Variants in SNAP91 observed in about 807,000 individuals in gnomAD.
SNAP91 encodes synaptosome associated protein 91.
In SNAP91, 27 loss-of-function variants were observed where a neutral mutation model predicts 100.3. The ratio of observed to expected loss-of-function variants is 0.27; its 90% confidence interval spans 0.20 to 0.37. The LOEUF is 0.37. SNAP91 is among the 10% of genes least tolerant of loss of function. The pLI is 1.00. For missense variants in SNAP91, 986 were observed against 1,123.7 expected (o/e 0.88, Z 1.75); for synonymous variants, 404 against 398.6 (o/e 1.01, Z -0.16).
intron 7 of SNAP91, among the ~76,000 whole-genome samples, chr6:83,653,439 G>A (rs2098282008): frequency 6.6e-6 from 1 of 152,062 alleles, no homozygotes. Flanking sequence ...ATCCCAAAGT[G>A]GTTTTGCCCT....
At chr6:83,691,237 A>T (rs2099126711) in intron 2 of SNAP91, among the ~76,000 whole-genome samples, 1 of 152,166 alleles carries the variant, frequency 6.6e-6, no homozygotes, top group African/African-American at 2.4e-5. Context: ...ACAATTACAT[A>T]GCTTACTGTT....
chr6:83,617,155 A>G (rs1225790327), intron 9 of SNAP91, 116 bp from the exon 10 acceptor site: 1 of 546,262 alleles, frequency 1.8e-6, no homozygotes. Context: ...TATATATGTG[A>G]GATAATTTAA....
At chr6:83,697,488 A>G (rs1270058699) in intron 2 of SNAP91, among the ~76,000 whole-genome samples, 1 of 152,134 alleles carries the variant, frequency 6.6e-6, no homozygotes, top group Admixed American at 6.5e-5. Flanking sequence ...TATGGATATA[A>G]TTGTTAAAAT....
intron 23 of SNAP91, among the ~76,000 whole-genome samples, chr6:83,580,969 T>A (rs552720012): frequency 9.8e-5 from 15 of 152,366 alleles, no homozygotes; most frequent in African/African-American, 3.6e-4. Context: ...TACATGGCTT[T>A]GTTGTAAACA....
chr6:83,588,263 C>T (rs2093126936), intron 22 of SNAP91, among the ~76,000 whole-genome samples: 1 of 152,126 alleles, frequency 6.6e-6, no homozygotes, highest in African/African-American at 2.4e-5. Context: ...TACTGATTTA[C>T]ATTGAATATT....
chr6:83,575,053 G>A lies in SNAP91; in HGVS notation c.2399C>T (p.Ala800Val). Residue 800 changes from alanine (A) to valine (V), a missense_variant, in exon 26 of 30, where the codon GCT becomes GTT. Physicochemically the swap from Ala to Val is moderately conservative, Grantham distance 64. Transcript: ENST00000369694. Reference sequence around the variant, plus strand: ...AACGCCTGCTGACCAGGTTGCTGGAGCTACTTTAGGCTGCCAGTTGGCTCC... The same window carrying A: ...AACGCCTGCTGACCAGGTTGCTGGAACTACTTTAGGCTGCCAGTTGGCTCC... ...TGGANWQPKV[A>V]PATWSAGVPP... The A allele has an allele frequency of 6.2e-7, 1 of 1,604,130 alleles. No homozygotes were observed. The highest frequency in any genetic ancestry group is 8.5e-7 in the Non-Finnish European group (1 of 1,175,094).
intron 7 of SNAP91, among the ~76,000 whole-genome samples, chr6:83,652,371 T>C (rs1037613889): frequency 6.6e-6 from 1 of 152,130 alleles, no homozygotes; most frequent in African/African-American, 2.4e-5. Flanking sequence ...CAATTACACT[T>C]CTTTTTTACT....
At chr6:83,635,063 G>C (rs1245503698) in intron 8 of SNAP91, among the ~76,000 whole-genome samples, 1 of 152,160 alleles carries the variant, frequency 6.6e-6, no homozygotes, top group Non-Finnish European at 1.5e-5. Flanking sequence ...CTGAGCATGT[G>C]GTGGATCTTA....
chr6:83,673,605 T>C (rs544765963), intron 2 of SNAP91, among the ~76,000 whole-genome samples: 6 of 152,294 alleles, frequency 3.9e-5, no homozygotes, highest in African/African-American at 1.4e-4. Flanking sequence ...CAAACATTTG[T>C]AAACAGAAAT....
At position 83,662,731 on chromosome 6, in the gene SNAP91, C is replaced by T. The variant is rs140698955; in HGVS notation, c.274-309G>A. The stretch of plus-strand genomic sequence containing the variant: ...TTCCAAAATAAATATCTTACGAATG[C>T]AATTTTCACTCAAAGATTCAAAGAA... On this transcript the variant is annotated intron_variant, in intron 3 of 29. Transcript: ENST00000369694. Among the ~76,000 whole-genome samples the T allele has an allele frequency of 6.5e-3, 987 of 152,132 alleles. 10 individuals carry two copies. Among genetic ancestry groups the T allele is most frequent in the African/African-American group, 0.022 (929 of 41,518 alleles).
intron 7 of SNAP91, 128 bp from the exon 8 acceptor site, chr6:83,641,330 T>C: frequency 4.0e-6 from 2 of 502,832 alleles, no homozygotes; most frequent in Non-Finnish European, 3.5e-6. Context: ...GTAAAACTTA[T>C]ATGAGGTATT....
chr6:83,645,291 T>A (rs952562981), intron 7 of SNAP91, among the ~76,000 whole-genome samples: 37 of 151,970 alleles, frequency 2.4e-4, no homozygotes, highest in African/African-American at 8.5e-4. Context: ...TAGTTTTAGG[T>A]TCACAACAAA....
At chr6:83,598,286 T>C (rs2094731518) in intron 16 of SNAP91, among the ~76,000 whole-genome samples, 1 of 152,234 alleles carries the variant, frequency 6.6e-6, no homozygotes, top group Non-Finnish European at 1.5e-5. Context: ...GAAGATCTCA[T>C]TTCTTAAAAG....
rs964145588 is a variant in SNAP91, at chr6:83,601,695, T to TA, written c.1142-97dup. 108 of 1,132,736 alleles carry TA rather than the reference T, an allele frequency of 9.5e-5. No individual in the cohort carries two copies. The Middle Eastern group carries it at 3.4e-3, about 36-fold the overall frequency. The allele number at this position is 1,132,736 out of a possible 1,614,324, so 70.2% of individuals were successfully genotyped here. ...TGTCCAAGCCAGATAAGGCACTAACTAAAAAAACCTTAGCTTTATGTGTCT... is the reference window on the plus strand; with the variant it reads ...TGTCCAAGCCAGATAAGGCACTAACTAAAAAAAACCTTAGCTTTATGTGTCT... On this transcript the variant is annotated intron_variant, in intron 14 of 29. Transcript: ENST00000369694.
chr6:83,706,175 T>C (rs1348705708), intron 2 of SNAP91, among the ~76,000 whole-genome samples: 1 of 152,260 alleles, frequency 6.6e-6, no homozygotes, highest in African/African-American at 2.4e-5. Flanking sequence ...CTCTGAAATA[T>C]ATCAGTATAC....
At chr6:83,682,209 G>A (rs536732952) in intron 2 of SNAP91, among the ~76,000 whole-genome samples, 20 of 131,362 alleles carry the variant, frequency 1.5e-4, no homozygotes, top group Non-Finnish European at 2.3e-4. Flanking sequence ...ACAGGGTCTC[G>A]CTCTGTTGTG....
chr6:83,578,607 A>G (rs1823317679), intron 24 of SNAP91, among the ~76,000 whole-genome samples: 1 of 152,188 alleles, frequency 6.6e-6, no homozygotes, highest in African/African-American at 2.4e-5. Flanking sequence ...TTGAATTGTT[A>G]GAGTTCTTTA....
intron 2 of SNAP91, among the ~76,000 whole-genome samples, chr6:83,682,740 C>T (rs544326871): frequency 7.5e-6 from 1 of 132,748 alleles, no homozygotes; most frequent in Admixed American, 7.7e-5. Flanking sequence ...GCCCTCCCCG[C>T]ACCCCACAAC....
intron 22 of SNAP91, among the ~76,000 whole-genome samples, chr6:83,587,929 A>T (rs2093035988): frequency 6.6e-6 from 1 of 152,156 alleles, no homozygotes; most frequent in African/African-American, 2.4e-5. Context: ...AAGTATGAAA[A>T]ATTAGCCCCC....
Sources: gnomAD v4.1 joint callset for allele counts (sites outside exome capture counted in the v4.1 genomes callset) on GRCh38, gnomAD v4.1.1 for gene constraint, MANE v1.5 for transcripts, NCBI Gene and HGNC (gene_info 2026-07-23, HGNC 2026-07-21) for gene names.